Variants in DTD1 observed in about 807,000 individuals in gnomAD.
DTD1 encodes D-tyrosyl-tRNA deacylase 1 homolog.
Under a neutral mutation model 25.6 loss-of-function variants are expected in DTD1, and 13 were observed. The observed-to-expected ratio is 0.51, with a 90% CI of 0.33 to 0.81. The LOEUF (loss-of-function observed/expected upper bound fraction) is 0.81. Ranked by LOEUF, DTD1 falls within the 30% of genes least tolerant of loss-of-function variation. The pLI, the probability that DTD1 is intolerant of heterozygous loss-of-function variation, is 0.02. For missense variants in DTD1, 193 were observed against 266.4 expected, an observed-to-expected ratio of 0.72 and a Z score of 1.92; for synonymous variants, 110 against 103.6, an observed-to-expected ratio of 1.06 and a Z score of -0.37.
intron 4 of DTD1, among the ~76,000 whole-genome samples, chr20:18,708,437 C>A (rs2061144764): frequency 7.1e-6 from 1 of 141,730 alleles, no homozygotes; most frequent in Non-Finnish European, 1.5e-5. Context: ...CTCACTGCAA[C>A]CTTCACCTCC....
chr20:18,752,154 G>A (rs1481425060), intron 5 of DTD1, among the ~76,000 whole-genome samples: 4 of 151,800 alleles, frequency 2.6e-5, no homozygotes, highest in African/African-American at 9.7e-5. Context: ...TGGATATGAC[G>A]TGCCTAGGTG....
At chr20:18,756,033 A>AT (rs529143254) in intron 5 of DTD1, among the ~76,000 whole-genome samples, 3,761 of 151,512 alleles carry the variant, frequency 0.025, 163 homozygotes, top group African/African-American at 0.087. Context: ...GATGATGAGC[A>AT]TTTTTTCATG....
At chr20:18,697,748 T>TATG in intron 4 of DTD1, among the ~76,000 whole-genome samples, 10 of 152,192 alleles carry the variant, frequency 6.6e-5, no homozygotes, top group Admixed American at 2.0e-4. Flanking sequence ...GCAGTGGCGC[T>TATG]ATCTCGGCTC....
At chr20:18,679,215 A>G (rs569527597) in intron 4 of DTD1, among the ~76,000 whole-genome samples, 368 of 152,300 alleles carry the variant, frequency 2.4e-3, no homozygotes, top group Non-Finnish European at 3.8e-3. Context: ...TGGCCTGACA[A>G]CCGTTGCTAT....
intron 4 of DTD1, among the ~76,000 whole-genome samples, chr20:18,695,588 TCCCC>T (rs2061072787): frequency 4.3e-4 from 1 of 2,300 alleles, no homozygotes; most frequent in Non-Finnish European, 7.4e-4. Context: ...TCCCCTCCCC[TCCCC>T]TCCCCTCCCC....
intron 4 of DTD1, among the ~76,000 whole-genome samples, chr20:18,646,364 T>C (rs2122346014): frequency 6.6e-6 from 1 of 152,084 alleles, no homozygotes; most frequent in East Asian, 1.9e-4. Context: ...CTCAAGGGGG[T>C]CACTGGGCTT....
intron 4 of DTD1, among the ~76,000 whole-genome samples, chr20:18,697,768 T>C (rs2061084449): frequency 6.6e-6 from 1 of 152,224 alleles, no homozygotes; most frequent in East Asian, 1.9e-4. Context: ...CACTGCAAGC[T>C]CCGCCTCTTA....
At chr20:18,747,228 A>T (rs372940732) in intron 5 of DTD1, among the ~76,000 whole-genome samples, 2 of 152,202 alleles carry the variant, frequency 1.3e-5, no homozygotes, top group Non-Finnish European at 2.9e-5. Flanking sequence ...TCAGAAACTC[A>T]TCGAGGTCTT....
At chr20:18,598,147 A>C (rs2060619206) in intron 3 of DTD1, among the ~76,000 whole-genome samples, 1 of 150,060 alleles carries the variant, frequency 6.7e-6, no homozygotes, top group African/African-American at 2.5e-5. Context: ...TCCCTCCCCT[A>C]GCCCCCCACC....
chr20:18,683,247 C>A (rs2061004266), intron 4 of DTD1, among the ~76,000 whole-genome samples: 1 of 152,142 alleles, frequency 6.6e-6, no homozygotes, highest in South Asian at 2.1e-4. Flanking sequence ...AAATAGACTA[C>A]CTGTTCATGG....
intron 4 of DTD1, among the ~76,000 whole-genome samples, chr20:18,659,407 G>A (rs745547001): frequency 3.3e-5 from 5 of 152,098 alleles, no homozygotes; most frequent in Non-Finnish European, 7.3e-5. Flanking sequence ...ACAAGTACAT[G>A]TGCCCTTTCC....
chr20:18,713,142 A>C (rs1275013840), intron 4 of DTD1, among the ~76,000 whole-genome samples: 1 of 152,256 alleles, frequency 6.6e-6, no homozygotes, highest in Non-Finnish European at 1.5e-5. Context: ...CCCTCCGGGC[A>C]TCTTTTGCAG....
At chr20:18,729,732 AC>A in intron 4 of DTD1, among the ~76,000 whole-genome samples, 1 of 152,362 alleles carries the variant, frequency 6.6e-6, no homozygotes, top group Non-Finnish European at 1.5e-5. Context: ...CATAACGACA[AC>A]ACAAACAGCC....
chr20:18,705,043 A>T (rs543347970), intron 4 of DTD1, among the ~76,000 whole-genome samples: 5 of 152,316 alleles, frequency 3.3e-5, no homozygotes, highest in African/African-American at 9.6e-5. Context: ...AATTTAATAG[A>T]TTTGCACTAG....
intron 3 of DTD1, among the ~76,000 whole-genome samples, chr20:18,612,185 C>T (rs906471514): frequency 6.6e-6 from 1 of 151,650 alleles, no homozygotes; most frequent in African/African-American, 2.4e-5. Flanking sequence ...CAGGTGCCCG[C>T]CACTACGCCC....
chr20:18,670,403 C>T (rs1485306948), intron 4 of DTD1, among the ~76,000 whole-genome samples: 1 of 152,132 alleles, frequency 6.6e-6, no homozygotes, highest in Non-Finnish European at 1.5e-5. Context: ...TTGCGGTGAG[C>T]CAAGATCACG....
chr20:18,650,898 G>T (rs1004817011), intron 4 of DTD1, among the ~76,000 whole-genome samples: 6 of 152,112 alleles, frequency 3.9e-5, no homozygotes, highest in African/African-American at 1.4e-4. Flanking sequence ...AAAGATAAAT[G>T]TAATTTTAAA....
chr20:18,671,308 G>A (rs2060950641), intron 4 of DTD1, among the ~76,000 whole-genome samples: 2 of 152,218 alleles, frequency 1.3e-5, no homozygotes, highest in South Asian at 4.1e-4. Flanking sequence ...CATTGTAGTT[G>A]TAAAGAGTCT....
chr20:18,713,698 G>A (rs1252381053), intron 4 of DTD1, among the ~76,000 whole-genome samples: 1 of 152,060 alleles, frequency 6.6e-6, no homozygotes, highest in Non-Finnish European at 1.5e-5. Context: ...ACTTACCTTG[G>A]TTCTTCGTTC....
Sources: allele counts gnomAD v4.1 joint callset (sites outside exome capture counted in the v4.1 genomes callset), GRCh38; gene constraint gnomAD v4.1.1; transcripts MANE v1.5; gene names NCBI Gene and HGNC (gene_info 2026-07-23, HGNC 2026-07-21).